The following CCSER1 variants were observed in gnomAD, a reference collection of about 807,000 sequenced individuals.
The protein encoded by CCSER1 is serine-rich coiled-coil domain-containing protein 1.
Under a neutral mutation model 82.0 loss-of-function variants are expected in CCSER1, and 41 were observed. The ratio of observed to expected loss-of-function variants is 0.50; its 90% CI spans 0.39 to 0.65. The LOEUF (loss-of-function observed/expected upper bound fraction) is 0.65. CCSER1 is among the 30% of genes least tolerant of loss of function. CCSER1 has a pLI of 0.00. For missense variants in CCSER1, 1,119 were observed against 1,064.2 expected (o/e 1.05, Z -0.72); for synonymous variants, 414 against 383.9 (o/e 1.08, Z -0.92).
intron 10 of CCSER1, among the ~76,000 whole-genome samples, chr4:91,503,393 T>C (rs1015698360): frequency 6.6e-6 from 1 of 150,984 alleles, no homozygotes; most frequent in African/African-American, 2.4e-5. Context: ...AATGGCTATA[T>C]GTGCTGTAGA....
At chr4:90,166,962 GC>G (rs1250886608) in intron 1 of CCSER1, among the ~76,000 whole-genome samples, 1 of 151,730 alleles carries the variant, frequency 6.6e-6, no homozygotes, top group Non-Finnish European at 1.5e-5. Context: ...TGAGATAATT[GC>G]TTGTTGGAAG....
chr4:90,463,111 A>G (rs1763156994), intron 4 of CCSER1, among the ~76,000 whole-genome samples: 1 of 152,208 alleles, frequency 6.6e-6, no homozygotes, highest in African/African-American at 2.4e-5. Context: ...CACATCTTAA[A>G]AAAATCTCAA....
chr4:90,303,448 C>T (rs1438589589), intron 1 of CCSER1, among the ~76,000 whole-genome samples: 1 of 152,104 alleles, frequency 6.6e-6, no homozygotes, highest in African/African-American at 2.4e-5. Flanking sequence ...GGTACCAAAA[C>T]ACAGATATAG....
At chr4:91,476,734 G>C in intron 10 of CCSER1, among the ~76,000 whole-genome samples, 1 of 151,294 alleles carries the variant, frequency 6.6e-6, no homozygotes, top group East Asian at 1.9e-4. Flanking sequence ...CAGAATAATA[G>C]AATAGAGAAC....
intron 1 of CCSER1, among the ~76,000 whole-genome samples, chr4:90,161,574 A>G (rs991717146): frequency 2.6e-5 from 4 of 152,126 alleles, no homozygotes; most frequent in Non-Finnish European, 5.9e-5. Flanking sequence ...GAGAATGTTT[A>G]AATGAGAATA....
chr4:91,131,621 TATTA>T (rs1368055131), intron 10 of CCSER1, among the ~76,000 whole-genome samples: 11 of 152,100 alleles, frequency 7.2e-5, no homozygotes, highest in African/African-American at 2.7e-4. Flanking sequence ...TATTTATATA[TATTA>T]ATCTATTCAT....
At chr4:90,433,595 C>T (rs193083711) in intron 4 of CCSER1, among the ~76,000 whole-genome samples, 33 of 152,018 alleles carry the variant, frequency 2.2e-4, no homozygotes, top group African/African-American at 7.2e-4. Context: ...TGACTCACAC[C>T]GAGTATACAT....
At chr4:91,122,373 T>A (rs1014968815) in intron 10 of CCSER1, among the ~76,000 whole-genome samples, 5 of 151,790 alleles carry the variant, frequency 3.3e-5, no homozygotes, top group Admixed American at 6.6e-5. Context: ...TCTTTGAAAG[T>A]ATATCATTCA....
chr4:90,881,263 C>T (rs971946422), intron 8 of CCSER1, among the ~76,000 whole-genome samples: 1 of 151,886 alleles, frequency 6.6e-6, no homozygotes, highest in African/African-American at 2.4e-5. Context: ...AAAGTATAAA[C>T]ATACACACAC....
chr4:90,835,089 T>G (rs1330682171), intron 8 of CCSER1, among the ~76,000 whole-genome samples: 1 of 152,196 alleles, frequency 6.6e-6, no homozygotes, highest in South Asian at 2.1e-4. Context: ...CCCAGCACTT[T>G]GGGAGGCCGA....
chr4:91,345,112 C>G (rs1418042752), intron 10 of CCSER1, among the ~76,000 whole-genome samples: 1 of 152,146 alleles, frequency 6.6e-6, no homozygotes, highest in Non-Finnish European at 1.5e-5. Context: ...TATTAGTGGC[C>G]TGGCACGGTG....
chr4:91,229,376 T>C (rs527567809), intron 10 of CCSER1, among the ~76,000 whole-genome samples: 1 of 152,032 alleles, frequency 6.6e-6, no homozygotes, highest in Admixed American at 6.6e-5. Context: ...AGAGTACTCT[T>C]TGGGGAATTT....
chr4:90,401,361 T>A (rs1043189252), intron 4 of CCSER1, among the ~76,000 whole-genome samples: 1 of 152,142 alleles, frequency 6.6e-6, no homozygotes, highest in Non-Finnish European at 1.5e-5. Context: ...AAATAGTACA[T>A]GCATATAATT....
At chr4:90,378,512 A>T (rs191051015) in intron 3 of CCSER1, among the ~76,000 whole-genome samples, 10 of 152,286 alleles carry the variant, frequency 6.6e-5, no homozygotes, top group African/African-American at 1.9e-4. Context: ...GGGTTCAGAG[A>T]TTTCTAATTG....
In CCSER1 at chr4:90,718,869, A is replaced by C. The variant is rs139144842; in HGVS notation, c.1933-5045A>C. Among the ~76,000 whole-genome samples the C allele has an allele frequency of 4.7e-4, 72 of 152,304 alleles. 1 individual carries two copies. In the East Asian group the frequency reaches 0.011, roughly 24 times the overall value. The stretch of plus-strand genomic sequence containing the variant: ...TCCCATAAACTCCTGAGTTTCTCCT[A>C]CTGTTATCATCCAACCTCAGCAGAG... On this transcript the variant is annotated intron_variant, in intron 6 of 10. Coordinates refer to ENST00000509176, the MANE Select transcript of CCSER1 (RefSeq NM_001145065.2).
At chr4:90,483,237 C>G (rs1311776947) in intron 5 of CCSER1, among the ~76,000 whole-genome samples, 1 of 152,178 alleles carries the variant, frequency 6.6e-6, no homozygotes, top group African/African-American at 2.4e-5. Flanking sequence ...AGATCTTCCT[C>G]CATCCCTTTA....
intron 6 of CCSER1, chr4:90,649,558 A>T (rs1728332252): frequency 6.6e-6 from 1 of 152,216 alleles, no homozygotes; most frequent in African/African-American, 2.4e-5. Flanking sequence ...GCAAGCCAGG[A>T]AGAGAGCCAT....
At chr4:90,905,358 CCACA>C (rs3043030) in intron 8 of CCSER1, among the ~76,000 whole-genome samples, 107 of 150,262 alleles carry the variant, frequency 7.1e-4, no homozygotes, top group South Asian at 1.5e-3. Context: ...TCTAGTCACA[CCACA>C]CACACACACA....
intron 5 of CCSER1, among the ~76,000 whole-genome samples, chr4:90,608,668 T>TA (rs946033927): frequency 1.3e-5 from 2 of 152,282 alleles, no homozygotes; most frequent in African/African-American, 4.8e-5. Context: ...ATGCATAATG[T>TA]AAAATTACAC....
Sources: gnomAD v4.1 joint callset for allele counts (sites outside exome capture counted in the v4.1 genomes callset) on GRCh38, gnomAD v4.1.1 for gene constraint, MANE v1.5 for transcripts, NCBI Gene and HGNC (gene_info 2026-07-23, HGNC 2026-07-21) for gene names.